ANO3: variants seen among roughly 807,000 people sequenced by gnomAD.
The protein encoded by ANO3 is anoctamin-3.
ANO3 carries 99 observed loss-of-function variants against 144.8 expected under a neutral mutation model. The observed-to-expected ratio is 0.68, with a 90% CI of 0.58 to 0.81. The LOEUF (loss-of-function observed/expected upper bound fraction) is 0.81, where lower values mean the gene tolerates loss of function less well. ANO3 is among the 30% of genes least tolerant of loss of function. The pLI, the probability that ANO3 is intolerant of heterozygous loss-of-function variation, is 0.00. For synonymous variants in ANO3, 414 were observed against 392.6 expected (o/e 1.05, Z -0.64); for missense variants, 905 against 1,202.2 (o/e 0.75, Z 3.66).
At chr11:26,391,021 T>C (rs1424459757) in intron 1 of ANO3, among the ~76,000 whole-genome samples, 11 of 152,158 alleles carry the variant, frequency 7.2e-5, no homozygotes, top group Admixed American at 7.2e-4. Context: ...GCAAGAAATG[T>C]CCTTTTTCTC....
intron 18 of ANO3, among the ~76,000 whole-genome samples, chr11:26,633,514 C>T (rs977030814): frequency 5.9e-5 from 9 of 152,126 alleles, no homozygotes; most frequent in African/African-American, 1.9e-4. Context: ...ATTCATTCTT[C>T]AGAGAACTCT....
intron 1 of ANO3, among the ~76,000 whole-genome samples, chr11:26,366,941 G>T (rs1205116903): frequency 1.3e-5 from 2 of 151,960 alleles, no homozygotes; most frequent in Non-Finnish European, 2.9e-5. Flanking sequence ...AGAGCCCTCA[G>T]AAATAATACC....
intron 1 of ANO3, among the ~76,000 whole-genome samples, chr11:26,347,833 T>G (rs1855534409): frequency 6.6e-6 from 1 of 152,238 alleles, no homozygotes; most frequent in Admixed American, 6.5e-5. Flanking sequence ...CTTTATATTT[T>G]AAAACTCTAG....
chr11:26,564,020 G>T (rs1850412102), intron 14 of ANO3, among the ~76,000 whole-genome samples: 1 of 151,202 alleles, frequency 6.6e-6, no homozygotes, highest in African/African-American at 2.4e-5. Flanking sequence ...GGTCTTGCAG[G>T]GTCTCTGATT....
chr11:26,435,564 C>A (rs1051177896), intron 1 of ANO3, among the ~76,000 whole-genome samples: 5 of 152,216 alleles, frequency 3.3e-5, no homozygotes, highest in Admixed American at 3.3e-4. Context: ...TTGACATAAT[C>A]CCACATTTAT....
chr11:26,508,880 TA>T (rs1253622486), intron 5 of ANO3: 6 of 151,824 alleles, frequency 4.0e-5, no homozygotes, highest in Admixed American at 6.6e-5. Context: ...GGTAGAAAAT[TA>T]AAAGTATAGA....
chr11:26,332,463 A>G (rs1280302567), intron 1 of ANO3, 142 bp downstream of exon 1: 7 of 787,628 alleles, frequency 8.9e-6, no homozygotes, highest in Non-Finnish European at 1.0e-5. Context: ...AAAAAAAATT[A>G]AATTCCTCTT....
intron 4 of ANO3, chr11:26,474,053 A>C: frequency 1.0e-6 from 1 of 985,218 alleles, no homozygotes; most frequent in Non-Finnish European, 1.2e-6. Flanking sequence ...AGAGTGCTTT[A>C]AAGAAGATTG....
At chr11:26,536,453 T>A (rs1420563438) in intron 9 of ANO3, among the ~76,000 whole-genome samples, 2 of 152,114 alleles carry the variant, frequency 1.3e-5, no homozygotes, top group African/African-American at 2.4e-5. Flanking sequence ...TATAAGGGTA[T>A]CATTCCCTTT....
At chr11:26,561,302 G>T in intron 14 of ANO3, 1 of 1,086,692 alleles carries the variant, frequency 9.2e-7, no homozygotes. Flanking sequence ...CCAAGTTATA[G>T]GAATTATTCT....
chr11:26,201,892 T>G (rs942455761), intron 1 of ANO3, among the ~76,000 whole-genome samples: 5 of 151,728 alleles, frequency 3.3e-5, no homozygotes, highest in African/African-American at 1.2e-4. Context: ...CTGCCAGTTC[T>G]GAACATATAG....
Position 26,647,824 on chromosome 11 carries a change from C to T in ANO3, c.2544C>T (p.Gly848=), listed in dbSNP as rs753582126. Reference sequence around the variant, plus strand: ...GTTTTGTTTATGAATACAAATATGGCCCCTGTGCAAATCATGTAGAACCAA... The same window carrying T: ...GTTTTGTTTATGAATACAAATATGGTCCCTGTGCAAATCATGTAGAACCAA... ...IPRFVYEYKY[G]PCANHVEPSE... Residue 848 remains glycine, a synonymous_variant, in exon 24 of 27, where the codon GGC becomes GGT. Transcript: ENST00000256737. The T allele has an allele frequency of 6.2e-7, 1 of 1,612,748 alleles. No individual in the cohort carries two copies. Among genetic ancestry groups the T allele is most frequent in the South Asian group, 1.1e-5 (1 of 90,776 alleles).
chr11:26,229,265 A>G (rs1852334510), intron 1 of ANO3, among the ~76,000 whole-genome samples: 1 of 152,232 alleles, frequency 6.6e-6, no homozygotes, highest in Non-Finnish European at 1.5e-5. Context: ...CATGATGTGC[A>G]ACACAATTCT....
chr11:26,249,422 C>T (rs1564933536), intron 1 of ANO3, among the ~76,000 whole-genome samples: 1 of 152,250 alleles, frequency 6.6e-6, no homozygotes, highest in East Asian at 1.9e-4. Flanking sequence ...CCGTTTGCTA[C>T]ACAAAGGAAC....
At chr11:26,656,521 G>T in intron 26 of ANO3, 40 bp downstream of exon 26, 2 of 1,283,986 alleles carry the variant, frequency 1.6e-6, no homozygotes, top group Non-Finnish European at 2.3e-6. Flanking sequence ...ATAGATAAAT[G>T]CTTTTCTAAA....
chr11:26,194,930 C>A (rs929349405), intron 1 of ANO3, among the ~76,000 whole-genome samples: 1 of 152,134 alleles, frequency 6.6e-6, no homozygotes, highest in Non-Finnish European at 1.5e-5. Flanking sequence ...ATAATAATCA[C>A]ATCATAGTAA....
intron 1 of ANO3, among the ~76,000 whole-genome samples, chr11:26,319,438 G>A (rs1854706969): frequency 6.6e-6 from 1 of 152,050 alleles, no homozygotes; most frequent in African/African-American, 2.4e-5. Flanking sequence ...TTCATGGTAG[G>A]ATAAACCATC....
chr11:26,403,919 T>G (rs1310135398), intron 1 of ANO3, among the ~76,000 whole-genome samples: 1 of 151,902 alleles, frequency 6.6e-6, no homozygotes, highest in East Asian at 1.9e-4. Flanking sequence ...GCTTCCCATT[T>G]CATTCAGATT....
intron 1 of ANO3, among the ~76,000 whole-genome samples, chr11:26,285,141 C>T (rs540248073): frequency 6.6e-6 from 1 of 151,920 alleles, no homozygotes; most frequent in Non-Finnish European, 1.5e-5. Context: ...ACTGGTCACC[C>T]ACAAACTTAA....
Sources: allele counts gnomAD v4.1 joint callset (sites outside exome capture counted in the v4.1 genomes callset), GRCh38; gene constraint gnomAD v4.1.1; transcripts MANE v1.5; gene names NCBI Gene and HGNC (gene_info 2026-07-23, HGNC 2026-07-21).